The following PRKAR2B variants were observed in gnomAD, a reference collection of about 807,000 sequenced individuals.
PRKAR2B encodes the protein protein kinase cAMP-dependent type II regulatory subunit beta.
Under a neutral mutation model 49.9 loss-of-function variants are expected in PRKAR2B, and 14 were observed. That is an observed-to-expected ratio of 0.28 (90% CI 0.19 to 0.44). The LOEUF is 0.44. Ranked by LOEUF, PRKAR2B falls within the 20% of genes least tolerant of loss-of-function variation. PRKAR2B has a pLI of 1.00. For missense variants in PRKAR2B, 393 were observed against 537.9 expected (o/e 0.73, Z 2.67); for synonymous variants, 196 against 197.7 (o/e 0.99, Z 0.07).
At chr7:107,085,475 TTTA>T (rs1435470726) in intron 2 of PRKAR2B, among the ~76,000 whole-genome samples, 4 of 152,180 alleles carry the variant, frequency 2.6e-5, no homozygotes, top group African/African-American at 4.8e-5. Context: ...TTAAAAAACT[TTTA>T]TTATAAAATT....
At position 107,044,991 on chromosome 7, in the gene PRKAR2B, G is replaced by A; in HGVS notation, c.84G>A (p.Leu28=). ...VEVLRHQPAD[L]LEFALQHFTR... is the part of the protein sequence containing the mutation. The stretch of plus-strand genomic sequence containing the variant: ...TGCTGAGGCACCAGCCCGCGGACCT[G>A]CTGGAGTTCGCGCTGCAGCACTTCA... The change falls in exon 1 of 11, where the codon CTG becomes CTA. Residue 28 remains leucine (L), a synonymous_variant. Transcript: ENST00000265717. 1 of 1,560,348 alleles carries A rather than the reference G, an allele frequency of 6.4e-7. No individual in the cohort carries two copies. The highest frequency in any genetic ancestry group is 8.7e-7 in the Non-Finnish European group (1 of 1,155,172).
At position 107,146,290 on chromosome 7, in the gene PRKAR2B, T is replaced by C; in HGVS notation, c.588-18T>C. The stretch of plus-strand genomic sequence containing the variant: ...ATATTTTATTTGAATTAACCTCCAA[T>C]CTACATATGTCCAACAGAGGCACAT... On this transcript the variant is annotated intron_variant, in intron 5 of 10. Transcript: ENST00000265717. 3 of 1,606,112 alleles carry C rather than the reference T, an allele frequency of 1.9e-6. No individual in the cohort carries two copies. Among genetic ancestry groups the C allele is most frequent in the Admixed American group, 1.7e-5 (1 of 59,110 alleles).
intron 6 of PRKAR2B, among the ~76,000 whole-genome samples, chr7:107,147,852 T>C (rs1231736731): frequency 6.6e-6 from 1 of 152,240 alleles, no homozygotes; most frequent in African/African-American, 2.4e-5. Context: ...GTTAAAAGTC[T>C]CATTTCCAAG....
chr7:107,080,161 CG>C (rs1282632037), intron 2 of PRKAR2B, among the ~76,000 whole-genome samples: 3 of 151,980 alleles, frequency 2.0e-5, no homozygotes, highest in Non-Finnish European at 4.4e-5. Context: ...CCGTGGCTCT[CG>C]GAGGAGCACA....
At chr7:107,095,535 C>T (rs1313060139) in intron 2 of PRKAR2B, among the ~76,000 whole-genome samples, 6 of 152,190 alleles carry the variant, frequency 3.9e-5, no homozygotes, top group Non-Finnish European at 7.3e-5. Context: ...ACTTCCAACA[C>T]TATATTGAAT....
intron 7 of PRKAR2B, 35 bp downstream of exon 7, chr7:107,151,058 T>C (rs1795976952): frequency 7.8e-7 from 1 of 1,284,240 alleles, no homozygotes; most frequent in African/African-American, 1.6e-5. Context: ...TTTATTTTGC[T>C]TTAAAAGTTT....
chr7:107,118,641 A>T (rs1211967369), intron 2 of PRKAR2B, among the ~76,000 whole-genome samples: 1 of 152,168 alleles, frequency 6.6e-6, no homozygotes, highest in African/African-American at 2.4e-5. Context: ...GTCCCACTGT[A>T]TTGCGAGAGT....
At chr7:107,065,322 A>ATG (rs71134248) in intron 1 of PRKAR2B, among the ~76,000 whole-genome samples, 4,163 of 143,424 alleles carry the variant, frequency 0.029, 71 homozygotes, top group East Asian at 0.046. Flanking sequence ...GGGTGTGTGT[A>ATG]TGTGTGTGTG....
intron 6 of PRKAR2B, among the ~76,000 whole-genome samples, chr7:107,148,492 A>G (rs138809646): frequency 0.011 from 1,633 of 152,332 alleles, 19 homozygotes; most frequent in Middle Eastern, 0.024. Flanking sequence ...TTAGTAGTCT[A>G]TACATGTTAT....
At chr7:107,158,386 A>G (rs900091295) in intron 10 of PRKAR2B, among the ~76,000 whole-genome samples, 1 of 152,200 alleles carries the variant, frequency 6.6e-6, no homozygotes, top group African/African-American at 2.4e-5. Context: ...CCACTCAGTG[A>G]TTTCTGCTAT....
intron 3 of PRKAR2B, among the ~76,000 whole-genome samples, chr7:107,123,775 A>C (rs953873063): frequency 2.6e-5 from 4 of 152,198 alleles, no homozygotes; most frequent in African/African-American, 4.8e-5. Flanking sequence ...TATTTACCCT[A>C]AGATCTGTCC....
intron 2 of PRKAR2B, among the ~76,000 whole-genome samples, chr7:107,116,742 G>A (rs948822057): frequency 2.6e-5 from 4 of 151,822 alleles, no homozygotes; most frequent in South Asian, 2.1e-4. Flanking sequence ...AAATTTAAGA[G>A]CATTACTAAT....
At chr7:107,114,367 TG>T (rs1795231332) in intron 2 of PRKAR2B, among the ~76,000 whole-genome samples, 2 of 147,440 alleles carry the variant, frequency 1.4e-5, no homozygotes, top group African/African-American at 5.1e-5. Context: ...TGTGTGTGTG[TG>T]TGTGTGTGTT....
intron 2 of PRKAR2B, among the ~76,000 whole-genome samples, chr7:107,088,015 T>G (rs982268499): frequency 1.3e-5 from 2 of 152,210 alleles, no homozygotes; most frequent in Non-Finnish European, 2.9e-5. Context: ...AAGCTGTGGC[T>G]GCCTACTGTA....
At chr7:107,098,707 C>CT (rs939656884) in intron 2 of PRKAR2B, among the ~76,000 whole-genome samples, 1 of 152,064 alleles carries the variant, frequency 6.6e-6, no homozygotes, top group Non-Finnish European at 1.5e-5. Flanking sequence ...TGTGGATGTC[C>CT]TTTCTGTTTG....
rs568904428 is a variant in PRKAR2B, at chr7:107,092,268, T to C, written c.343+21952T>C. Among the ~76,000 whole-genome samples, 389 of 148,580 alleles carry C rather than the reference T, an allele frequency of 2.6e-3. 2 individuals are homozygous for C. Among genetic ancestry groups the C allele is most frequent in the African/African-American group, 8.0e-3 (324 of 40,604 alleles). ...AGTTGTGTGTGTGTGTGTGTGTGTG[T>C]GCGTGTGTCTGTGTGTGTGTGTGTG... On this transcript the variant is annotated intron_variant, in intron 2 of 10. Coordinates refer to ENST00000265717, the MANE Select transcript of PRKAR2B (RefSeq NM_002736.3).
chr7:107,132,300 C>T (rs1795617354), intron 4 of PRKAR2B, among the ~76,000 whole-genome samples: 1 of 152,158 alleles, frequency 6.6e-6, no homozygotes, highest in Admixed American at 6.6e-5. Context: ...CAGGAAGGCC[C>T]ATTCTTTCTC....
rs1795531594 is a variant in PRKAR2B, at chr7:107,128,121, G to A, written c.397-91G>A. The A allele has an allele frequency of 6.0e-6, 5 of 833,344 alleles. No homozygotes were observed. The Admixed American group carries it at 9.5e-5, about 16-fold the overall frequency. The allele number at this position is 833,344 out of a possible 1,614,324, so 51.6% of individuals were successfully genotyped here. On this transcript the variant is annotated intron_variant, in intron 3 of 10. Coordinates refer to ENST00000265717, the MANE Select transcript of PRKAR2B (RefSeq NM_002736.3). ...AGCGCTAACAGTTCTTCTTTCTAAT[G>A]TTGGTTCTGATTTTTGTTAGTTTTT...
At chr7:107,087,379 A>C (rs553006551) in intron 2 of PRKAR2B, among the ~76,000 whole-genome samples, 2 of 152,224 alleles carry the variant, frequency 1.3e-5, no homozygotes, top group Admixed American at 6.5e-5. Context: ...TTTTGCATAC[A>C]AACTTTAATA....
Sources: allele counts gnomAD v4.1 joint callset (sites outside exome capture counted in the v4.1 genomes callset), GRCh38; gene constraint gnomAD v4.1.1; transcripts MANE v1.5; gene names NCBI Gene and HGNC (gene_info 2026-07-23, HGNC 2026-07-21).